EMP1: variants seen among roughly 807,000 people sequenced by gnomAD.
EMP1 encodes the protein epithelial membrane protein 1.
A neutral mutation model predicts 15.7 loss-of-function variants in EMP1; 5 were observed. The ratio of observed to expected loss-of-function variants is 0.32; its 90% CI spans 0.17 to 0.67. EMP1 has a LOEUF of 0.67. Ranked by LOEUF, EMP1 falls within the 30% of genes least tolerant of loss-of-function variation. The pLI, the probability that EMP1 is intolerant of heterozygous loss-of-function variation, is 0.74. For missense variants in EMP1, 166 were observed against 194.2 expected, an observed-to-expected ratio of 0.85 and a Z score of 0.86; for synonymous variants, 78 against 76.7, an observed-to-expected ratio of 1.02 and a Z score of -0.09.
chr12:13,207,604 T>C (rs1316985879), intron 1 of EMP1, among the ~76,000 whole-genome samples: 1 of 152,182 alleles, frequency 6.6e-6, no homozygotes, highest in Non-Finnish European at 1.5e-5. Flanking sequence ...TGTGTGTGGC[T>C]CCGAGGTGCT....
Position 13,214,881 on chromosome 12 carries a change from A to T in EMP1, c.*190A>T, listed in dbSNP as rs771395242. On this transcript the variant is annotated 3_prime_UTR_variant, in exon 5 of 5. Coordinates refer to ENST00000256951, the MANE Select transcript of EMP1 (RefSeq NM_001423.3). ...TGCCAAGCCCCTGCCCTGGGGAGAA[A>T]GTAGTTGGCTAGTACTTTGATGCTC... The T allele has an allele frequency of 1.2e-4, 69 of 558,712 alleles. No individual in the cohort carries two copies. Among genetic ancestry groups the T allele is most frequent in the Admixed American group, 9.4e-4 (30 of 31,928 alleles). The allele number at this position is 558,712 out of a possible 1,614,324, so 34.6% of individuals were successfully genotyped here.
rs192539333 is a variant in EMP1, at chr12:13,217,585, C to T, written c.*2894C>T. On this transcript the variant is annotated 3_prime_UTR_variant, in exon 5 of 5. Coordinates refer to ENST00000256951, the MANE Select transcript of EMP1 (RefSeq NM_001423.3). ...AGCTCCCCCAGGGATTTCTTTTCCC[C>T]CATGTCATACACCCAGTCCTAAATC... The T allele has an allele frequency of 2.6e-4, 40 of 152,282 alleles. No individual in the cohort carries two copies. The highest frequency in any genetic ancestry group is 9.6e-4 in the African/African-American group (40 of 41,538). The allele number at this position is 152,282 out of a possible 1,614,324, so 9.4% of individuals were successfully genotyped here. A position where few individuals can be genotyped will look rare whatever the true frequency, so the allele number is the denominator to read the frequency against.
Position 13,211,448 on chromosome 12 carries a change from T to C in EMP1, c.-42-21T>C. 1 of 1,568,136 alleles carries C rather than the reference T, an allele frequency of 6.4e-7. No homozygotes were observed. The highest frequency in any genetic ancestry group is 8.8e-7 in the Non-Finnish European group (1 of 1,142,838). Reference sequence around the variant, plus strand: ...TTGAATCTGACAGTAACCGTTTTTGTCCCTTTCTTTTTCTTTTCAGAACTC... The same window carrying C: ...TTGAATCTGACAGTAACCGTTTTTGCCCCTTTCTTTTTCTTTTCAGAACTC... On this transcript the variant is annotated intron_variant, in intron 1 of 4. Transcript: ENST00000256951. This position sits in a 1 kb window ranked among gnomAD's most constrained non-coding sequence, Gnocchi z 4.7.
intron 1 of EMP1, among the ~76,000 whole-genome samples, chr12:13,197,740 A>T (rs1390175748): frequency 6.6e-6 from 1 of 151,800 alleles, no homozygotes; most frequent in Non-Finnish European, 1.5e-5. Flanking sequence ...GCGCCACTAC[A>T]CTCCAGCCTG....
At position 13,213,834 on chromosome 12, in the gene EMP1, T is replaced by G; in HGVS notation, c.316+13T>G. The G allele has an allele frequency of 6.2e-7, 1 of 1,613,330 alleles. No individual in the cohort carries two copies. The highest frequency in any genetic ancestry group is 2.2e-5 in the East Asian group (1 of 44,894). On this transcript the variant is annotated intron_variant, in intron 4 of 4. Coordinates refer to ENST00000256951, the MANE Select transcript of EMP1 (RefSeq NM_001423.3). ...ACACTGGTGTGCTGTGAGTATCTCA[T>G]GGGTAGACTCCAGTTTACACTTTTA...
intron 1 of EMP1, among the ~76,000 whole-genome samples, chr12:13,200,405 A>G (rs1864054421): frequency 6.6e-6 from 1 of 152,192 alleles, no homozygotes; most frequent in Non-Finnish European, 1.5e-5. Context: ...CAATCTGGGT[A>G]TCAGCCCCTT....
At chr12:13,201,639 C>T (rs1472689206) in intron 1 of EMP1, among the ~76,000 whole-genome samples, 1 of 152,188 alleles carries the variant, frequency 6.6e-6, no homozygotes, top group Non-Finnish European at 1.5e-5. Context: ...ACGGAGCCTC[C>T]TCTGCCCCAT....
At chr12:13,205,671 G>A (rs2121151107) in intron 1 of EMP1, among the ~76,000 whole-genome samples, 1 of 152,142 alleles carries the variant, frequency 6.6e-6, no homozygotes, top group South Asian at 2.1e-4. Flanking sequence ...CTCCCTTCAG[G>A]GACTTAAAAT....
intron 1 of EMP1, among the ~76,000 whole-genome samples, chr12:13,210,966 T>C (rs544443861): frequency 1.3e-5 from 2 of 152,336 alleles, no homozygotes; most frequent in South Asian, 4.1e-4. Flanking sequence ...GGGCATTGAG[T>C]AATAGCTGCT....
intron 1 of EMP1, among the ~76,000 whole-genome samples, chr12:13,210,600 G>A (rs771430846): frequency 6.6e-6 from 1 of 152,208 alleles, no homozygotes; most frequent in Non-Finnish European, 1.5e-5. Context: ...CCTGTCTTCT[G>A]TATTGAGTCC....
At chr12:13,209,267 C>G (rs1458249107) in intron 1 of EMP1, 1 of 152,188 alleles carries the variant, frequency 6.6e-6, no homozygotes, top group Non-Finnish European at 1.5e-5. Context: ...AGATCAGGAT[C>G]TGGTGAGGTG....
At position 13,201,456 on chromosome 12, in the gene EMP1, C is replaced by T. The variant is rs116630813; in HGVS notation, c.-43+4584C>T. ...CCAACAAACAAAAACACCAAAAAAA[C>T]GAAAAACAAAAAAATTAAGATCCTA... On this transcript the variant is annotated intron_variant, in intron 1 of 4. Transcript: ENST00000256951. Among the ~76,000 whole-genome samples the T allele has an allele frequency of 1.9e-3, 288 of 152,030 alleles. 2 individuals are homozygous for T. Among genetic ancestry groups the T allele is most frequent in the African/African-American group, 6.5e-3 (271 of 41,476 alleles).
In EMP1 at chr12:13,216,177, C is replaced by A. The variant is rs1446615081; in HGVS notation, c.*1486C>A. The A allele has an allele frequency of 3.8e-6, 2 of 522,108 alleles. No homozygotes were observed. The highest frequency in any genetic ancestry group is 1.9e-5 in the African/African-American group (1 of 51,454). The allele number at this position is 522,108 out of a possible 1,614,324, so 32.3% of individuals were successfully genotyped here. On this transcript the variant is annotated 3_prime_UTR_variant, in exon 5 of 5. Transcript: ENST00000256951. ...TGTCTAAAGGGGTTTTTTGGGAAGA[C>A]GTTTTCTTTATCGCCCTGAGAAGAT...
chr12:13,213,970 C>T (rs1241930097), intron 4 of EMP1, 149 bp downstream of exon 4: 4 of 1,169,684 alleles, frequency 3.4e-6, no homozygotes, highest in Non-Finnish European at 5.0e-6. Flanking sequence ...TGTGGAGAAC[C>T]TTGGATTGCT....
chr12:13,211,552 T>C lies in EMP1; in HGVS notation c.42T>C (p.Ala14=), dbSNP rs537630456. Residue 14 remains alanine (A), a synonymous_variant, in exon 2 of 5, where the codon GCT becomes GCC. Coordinates refer to ENST00000256951, the MANE Select transcript of EMP1 (RefSeq NM_001423.3). The surrounding 1 kb of genome is among the most constrained non-coding windows in gnomAD (Gnocchi z 4.7). ...CTGGTATCTTTGTGGTCCACATCGC[T>C]ACTGTTATTATGCTATTTGTTAGCA... The part of the protein sequence containing the change: ...LLAGIFVVHI[A]TVIMLFVSTI... 5.0e-6 allele frequency: 8 copies of C among 1,614,186 alleles called. No individual in the cohort carries two copies. In the African/African-American group the frequency reaches 8.0e-5, roughly 16 times the overall value.
intron 2 of EMP1, among the ~76,000 whole-genome samples, chr12:13,212,941 A>G (rs747540300): frequency 3.3e-5 from 5 of 152,252 alleles, no homozygotes; most frequent in Non-Finnish European, 7.3e-5. Context: ...ATTACTTTGC[A>G]TGTTGTGACA....
At chr12:13,200,545 T>C (rs1362348379) in intron 1 of EMP1, among the ~76,000 whole-genome samples, 2 of 152,240 alleles carry the variant, frequency 1.3e-5, no homozygotes, top group Non-Finnish European at 2.9e-5. Context: ...TATTCAGTAA[T>C]CAAGGAAGCC....
chr12:13,200,618 T>G (rs1271316328), intron 1 of EMP1, among the ~76,000 whole-genome samples: 1 of 152,216 alleles, frequency 6.6e-6, no homozygotes, highest in Non-Finnish European at 1.5e-5. Flanking sequence ...CATACACACG[T>G]CCTGAGACTG....
Position 13,214,975 on chromosome 12 carries a change from C to A in EMP1, c.*284C>A. 2.6e-6 allele frequency: 1 copy of A among 382,202 alleles called. No homozygotes were observed. 23.7% of individuals were successfully genotyped at this position (382,202 alleles called of 1,614,324 possible). A position where few individuals can be genotyped will look rare whatever the true frequency, so the allele number is the denominator to read the frequency against. Reference sequence around the variant, plus strand: ...GCCTCCAGCTGTTCTTAGTGACACACACTGTCTGGGGCCCCATCAGCTGCC... The same window carrying A: ...GCCTCCAGCTGTTCTTAGTGACACAAACTGTCTGGGGCCCCATCAGCTGCC... On this transcript the variant is annotated 3_prime_UTR_variant, in exon 5 of 5. Coordinates refer to ENST00000256951, the MANE Select transcript of EMP1 (RefSeq NM_001423.3).
Sources: allele counts gnomAD v4.1 joint callset (sites outside exome capture counted in the v4.1 genomes callset), GRCh38; gene constraint gnomAD v4.1.1; non-coding constraint Gnocchi (gnomAD v3.1); transcripts MANE v1.5; gene names NCBI Gene and HGNC (gene_info 2026-07-23, HGNC 2026-07-21).